Variants in PAK2 observed in about 807,000 individuals in gnomAD.
PAK2 encodes the protein p21 (RAC1) activated kinase 2, also known as serine/threonine-protein kinase PAK 2.
In PAK2, 21 loss-of-function variants were observed where a neutral mutation model predicts 65.9. That is an observed-to-expected ratio of 0.32 (90% CI 0.23 to 0.46). The LOEUF is 0.46. PAK2 is among the 20% of genes least tolerant of loss of function. PAK2 has a pLI of 1.00. For missense variants in PAK2, 324 were observed against 642.6 expected (o/e 0.50, Z 5.36); for synonymous variants, 204 against 219.7 (o/e 0.93, Z 0.63).
intron 7 of PAK2, among the ~76,000 whole-genome samples, chr3:196,809,467 C>T (rs1485600968): frequency 6.7e-6 from 1 of 148,974 alleles, no homozygotes; most frequent in Non-Finnish European, 1.5e-5. Context: ...CCTCAGCCTC[C>T]CGAGTAGCTG....
chr3:196,782,644 A>G lies in PAK2; in HGVS notation c.-3A>G. ...ATTCCAGGCCATTTCATAATTCTGAATCATGTCTGATAACGGAGAACTGGA... is the reference window on the plus strand; with the variant it reads ...ATTCCAGGCCATTTCATAATTCTGAGTCATGTCTGATAACGGAGAACTGGA... On this transcript the variant is annotated 5_prime_UTR_variant, in exon 2 of 15. Coordinates refer to ENST00000327134, the MANE Select transcript of PAK2 (RefSeq NM_002577.4). 1 of 1,570,000 alleles carries G rather than the reference A, an allele frequency of 6.4e-7. No homozygotes were observed. Among genetic ancestry groups the G allele is most frequent in the Non-Finnish European group, 8.7e-7 (1 of 1,153,628 alleles).
rs145493730 is a variant in PAK2 at position 196,821,042 on chromosome 3, G to A, written c.1350+475G>A. On this transcript the variant is annotated intron_variant, in intron 13 of 14. Coordinates refer to ENST00000327134, the MANE Select transcript of PAK2 (RefSeq NM_002577.4). ...TTTCATAGAGACGGGGTCTCTCCAT[G>A]TTGGGTCAGGCTGGTCTCAAATTCT... 6.4e-4 allele frequency among the ~76,000 whole-genome samples: 97 copies of A among 152,192 alleles called. 2 individuals are homozygous for A. The East Asian group carries it at 0.018, about 29-fold the overall frequency.
intron 11 of PAK2, among the ~76,000 whole-genome samples, chr3:196,816,823 A>G (rs1468996966): frequency 6.6e-6 from 1 of 152,196 alleles, no homozygotes; most frequent in Admixed American, 6.6e-5. Flanking sequence ...TAAGGAAAGG[A>G]GTAGTTTACC....
intron 8 of PAK2, among the ~76,000 whole-genome samples, chr3:196,811,362 C>T (rs1560113998): frequency 8.6e-5 from 4 of 46,496 alleles, no homozygotes; most frequent in Admixed American, 2.8e-4. Context: ...TCCCTCCCTT[C>T]CCTTCCTTCT....
At chr3:196,796,130 C>T (rs900781969) in intron 2 of PAK2, among the ~76,000 whole-genome samples, 1 of 152,182 alleles carries the variant, frequency 6.6e-6, no homozygotes, top group African/African-American at 2.4e-5. Context: ...CAGTTCCTGC[C>T]GTGCAGCCGG....
intron 1 of PAK2, among the ~76,000 whole-genome samples, chr3:196,743,260 A>G (rs1034711714): frequency 1.3e-5 from 2 of 152,150 alleles, no homozygotes. Context: ...CCAGCCTACT[A>G]TCTCTGAGTT....
At chr3:196,804,453 A>G (rs1715516239) in intron 4 of PAK2, among the ~76,000 whole-genome samples, 1 of 150,260 alleles carries the variant, frequency 6.7e-6, no homozygotes, top group African/African-American at 2.5e-5. Flanking sequence ...GTGTGTGCGC[A>G]CGCGCGTGCG....
chr3:196,803,466 C>G (rs768161657), intron 4 of PAK2, among the ~76,000 whole-genome samples: 3 of 152,078 alleles, frequency 2.0e-5, no homozygotes, highest in African/African-American at 4.8e-5. Context: ...CTCTTCACTG[C>G]TTTTAAATGA....
chr3:196,808,816 G>A (rs568335390), intron 7 of PAK2, among the ~76,000 whole-genome samples: 9 of 152,234 alleles, frequency 5.9e-5, no homozygotes, highest in East Asian at 1.9e-4. Flanking sequence ...AGCCGAGATC[G>A]TGCCACTGCA....
chr3:196,822,615 C>T (rs763645008), intron 13 of PAK2, among the ~76,000 whole-genome samples: 1 of 152,120 alleles, frequency 6.6e-6, no homozygotes, highest in Non-Finnish European at 1.5e-5. Flanking sequence ...GCGTGGGTCA[C>T]TTGGGCCCAA....
intron 1 of PAK2, among the ~76,000 whole-genome samples, chr3:196,774,768 T>G (rs1409297163): frequency 6.6e-6 from 1 of 152,202 alleles, no homozygotes; most frequent in African/African-American, 2.4e-5. Context: ...ACTTGTTACC[T>G]TTAGTCAACT....
chr3:196,756,587 C>T (rs763069075), intron 1 of PAK2, among the ~76,000 whole-genome samples: 8 of 152,188 alleles, frequency 5.3e-5, no homozygotes, highest in Non-Finnish European at 4.4e-5. Flanking sequence ...CCTGTAATCC[C>T]AGCACTTTGG....
At chr3:196,742,885 A>C (rs959566647) in intron 1 of PAK2, among the ~76,000 whole-genome samples, 16 of 152,162 alleles carry the variant, frequency 1.1e-4, no homozygotes, top group Admixed American at 9.2e-4. Flanking sequence ...GCGCCACTGC[A>C]CTCCCGCCTG....
At chr3:196,826,700 C>CACAA (rs1711889242) in intron 13 of PAK2, among the ~76,000 whole-genome samples, 1 of 152,062 alleles carries the variant, frequency 6.6e-6, no homozygotes, top group Admixed American at 6.6e-5. Context: ...GCAGGTGGAT[C>CACAA]ATTTGAGGTC....
chr3:196,757,485 T>C (rs1456070602), intron 1 of PAK2, among the ~76,000 whole-genome samples: 1 of 152,148 alleles, frequency 6.6e-6, no homozygotes, highest in East Asian at 1.9e-4. Flanking sequence ...AAAGCAGGTA[T>C]CTCTGAGAAG....
intron 4 of PAK2, among the ~76,000 whole-genome samples, chr3:196,803,745 A>C (rs528454709): frequency 6.6e-6 from 1 of 152,194 alleles, no homozygotes; most frequent in Admixed American, 6.5e-5. Flanking sequence ...CAGTAATGCA[A>C]ATTTTACTTT....
chr3:196,770,886 G>T (rs1416865486), intron 1 of PAK2, among the ~76,000 whole-genome samples: 1 of 151,998 alleles, frequency 6.6e-6, no homozygotes, highest in East Asian at 1.9e-4. Context: ...GCCTCCCAAA[G>T]TGCTGGGATT....
intron 1 of PAK2, among the ~76,000 whole-genome samples, chr3:196,781,680 T>A (rs7630852): frequency 0.53 from 80,465 of 152,162 alleles, 21,666 homozygotes; most frequent in East Asian, 0.7. Flanking sequence ...TGTTTCAAGA[T>A]TCCTTGGCCA....
intron 1 of PAK2, among the ~76,000 whole-genome samples, chr3:196,753,729 G>A (rs986651093): frequency 3.3e-5 from 5 of 152,008 alleles, no homozygotes; most frequent in African/African-American, 9.7e-5. Flanking sequence ...TTGTTCTATC[G>A]CCTTGCATTA....
Sources: gnomAD v4.1 joint callset for allele counts (sites outside exome capture counted in the v4.1 genomes callset) on GRCh38, gnomAD v4.1.1 for gene constraint, MANE v1.5 for transcripts, NCBI Gene and HGNC (gene_info 2026-07-23, HGNC 2026-07-21) for gene names.